Variants in NKAIN3 observed in about 807,000 individuals in gnomAD.
The protein encoded by NKAIN3 is sodium/potassium transporting ATPase interacting 3.
NKAIN3 carries 25 observed loss-of-function variants against 30.2 expected under a neutral mutation model. The ratio of observed to expected loss-of-function variants is 0.83; its 90% confidence interval spans 0.60 to 1.16. NKAIN3 has a LOEUF of 1.16. NKAIN3 is among the 50% of genes most tolerant of loss of function. The probability of loss-of-function intolerance (pLI) is 0.00; values close to 1 mark genes in which losing one functional copy is unlikely to be tolerated. For missense variants in NKAIN3, 225 were observed against 254.1 expected, an observed-to-expected ratio of 0.89 and a Z score of 0.78; for synonymous variants, 91 against 89.6, an observed-to-expected ratio of 1.02 and a Z score of -0.09.
intron 1 of NKAIN3, among the ~76,000 whole-genome samples, chr8:62,267,415 A>T (rs1038248308): frequency 2.0e-5 from 3 of 152,230 alleles, no homozygotes; most frequent in East Asian, 1.9e-4. Flanking sequence ...GCAGTTTCTT[A>T]TGTTTCCCTT....
intron 5 of NKAIN3, among the ~76,000 whole-genome samples, chr8:62,995,498 C>G (rs1269514783): frequency 6.6e-6 from 1 of 152,158 alleles, no homozygotes; most frequent in Non-Finnish European, 1.5e-5. Flanking sequence ...TGCTCTGTGT[C>G]TGTTGTGCTG....
chr8:62,859,527 TGG>T (rs1820177357), intron 4 of NKAIN3, among the ~76,000 whole-genome samples: 1 of 26,646 alleles, frequency 3.8e-5, no homozygotes, highest in Admixed American at 3.3e-4. Flanking sequence ...AAAAACTTCA[TGG>T]AAGTAGCCTA....
At chr8:62,675,344 AG>A (rs1813441580) in intron 3 of NKAIN3, among the ~76,000 whole-genome samples, 1 of 152,236 alleles carries the variant, frequency 6.6e-6, no homozygotes. Context: ...TCACTATGAT[AG>A]GTATTCACAA....
chr8:62,329,681 T>C (rs543193763), intron 1 of NKAIN3, among the ~76,000 whole-genome samples: 2 of 152,282 alleles, frequency 1.3e-5, no homozygotes, highest in South Asian at 4.1e-4. Flanking sequence ...TGTTCTTTTT[T>C]ATGGCTGCAT....
chr8:62,648,143 C>T (rs1232576577), intron 3 of NKAIN3, among the ~76,000 whole-genome samples: 1 of 152,046 alleles, frequency 6.6e-6, no homozygotes, highest in Non-Finnish European at 1.5e-5. Flanking sequence ...CAGATGGATA[C>T]GTTTTGGGCA....
intron 1 of NKAIN3, among the ~76,000 whole-genome samples, chr8:62,355,155 G>A (rs965155247): frequency 1.3e-5 from 2 of 152,178 alleles, no homozygotes; most frequent in Admixed American, 6.5e-5. Flanking sequence ...TGAGTCACTT[G>A]TAGAAGACCA....
At chr8:62,836,175 G>C (rs1010589163) in intron 4 of NKAIN3, among the ~76,000 whole-genome samples, 1 of 151,868 alleles carries the variant, frequency 6.6e-6, no homozygotes, top group Non-Finnish European at 1.5e-5. Context: ...AACACTAACG[G>C]AATACCAGAG....
At chr8:62,462,161 G>A (rs1368499394) in intron 1 of NKAIN3, among the ~76,000 whole-genome samples, 1 of 152,164 alleles carries the variant, frequency 6.6e-6, no homozygotes, top group African/African-American at 2.4e-5. Context: ...CATGGGCACA[G>A]GCGCAGATGG....
chr8:62,907,219 G>A (rs977330811), intron 4 of NKAIN3, among the ~76,000 whole-genome samples: 20 of 152,096 alleles, frequency 1.3e-4, no homozygotes, highest in South Asian at 2.1e-4. Flanking sequence ...GGTATCAGAC[G>A]GAAGAAATTT....
At chr8:62,864,251 G>A (rs1460327996) in intron 4 of NKAIN3, 4 of 892,090 alleles carry the variant, frequency 4.5e-6, no homozygotes, top group Non-Finnish European at 5.3e-6. Context: ...TAGAGGAGGC[G>A]GCCGAGGCAG....
At chr8:62,615,985 A>C (rs1811441908) in intron 3 of NKAIN3, among the ~76,000 whole-genome samples, 1 of 151,536 alleles carries the variant, frequency 6.6e-6, no homozygotes, top group African/African-American at 2.4e-5. Context: ...CTGTGTAGAT[A>C]GTTGTTAACT....
chr8:62,632,053 C>G (rs1811980486), intron 3 of NKAIN3, among the ~76,000 whole-genome samples: 1 of 152,100 alleles, frequency 6.6e-6, no homozygotes, highest in South Asian at 2.1e-4. Context: ...GTGGTACATT[C>G]AGAAACACTG....
At chr8:62,312,823 C>CAAAA (rs56252388) in intron 1 of NKAIN3, among the ~76,000 whole-genome samples, 2,442 of 142,386 alleles carry the variant, frequency 0.017, 49 homozygotes, top group South Asian at 0.041. Context: ...AACCTTGTCT[C>CAAAA]AAAAAAAAAA....
At chr8:62,394,419 T>C (rs913257784) in intron 1 of NKAIN3, among the ~76,000 whole-genome samples, 3 of 152,162 alleles carry the variant, frequency 2.0e-5, no homozygotes, top group Admixed American at 2.0e-4. Flanking sequence ...TGTGTATACA[T>C]GAGAAAAATT....
Position 62,500,353 on chromosome 8 carries a change from A to T in NKAIN3, c.55-79186A>T, listed in dbSNP as rs370868744. Among the ~76,000 whole-genome samples, 28 of 151,918 alleles carry T rather than the reference A, an allele frequency of 1.8e-4. 1 individual carries two copies. Among genetic ancestry groups the T allele is most frequent in the Middle Eastern group, 6.3e-3 (2 of 316 alleles). On this transcript the variant is annotated intron_variant, in intron 1 of 6. Coordinates refer to ENST00000623646, the MANE Select transcript of NKAIN3 (RefSeq NM_001304533.3). ...ATGTCTTCCATTACCAAGGAAAAAC[A>T]CTCAATGGGTTTAAGTACTAAGAAA...
At chr8:62,988,328 T>C (rs2168316), downstream of NKAIN3, among the ~76,000 whole-genome samples, 27,668 of 152,236 alleles carry the variant, frequency 0.18, 2,619 homozygotes, top group East Asian at 0.38. Context: ...AGTGGGCACC[T>C]TGTGTGAGGG....
At chr8:62,533,436 G>T (rs762770354) in intron 1 of NKAIN3, among the ~76,000 whole-genome samples, 1 of 152,190 alleles carries the variant, frequency 6.6e-6, no homozygotes, top group Non-Finnish European at 1.5e-5. Context: ...GTATAGTTTC[G>T]CCTGAAGCGG....
chr8:62,509,018 GAGA>G (rs1233454606), intron 1 of NKAIN3, among the ~76,000 whole-genome samples: 4 of 152,154 alleles, frequency 2.6e-5, no homozygotes, highest in Non-Finnish European at 4.4e-5. Context: ...TATCTTTAGT[GAGA>G]AGGTCACTTT....
rs114720353 is a variant in NKAIN3 at position 62,886,152 on chromosome 8, T to C, written c.472-32301T>C. Among the ~76,000 whole-genome samples, 997 of 152,252 alleles carry C rather than the reference T, an allele frequency of 6.5e-3. 11 individuals carry two copies. Among genetic ancestry groups the C allele is most frequent in the African/African-American group, 0.023 (952 of 41,556 alleles). Reference sequence around the variant, plus strand: ...TCCTTTCTTATCAGATCAATTATACTTTCTTTAACTTTTTTTTTTAGTGAT... The same window carrying C: ...TCCTTTCTTATCAGATCAATTATACCTTCTTTAACTTTTTTTTTTAGTGAT... On this transcript the variant is annotated intron_variant, in intron 4 of 6. Transcript: ENST00000623646.
Sources: gnomAD v4.1 joint callset for allele counts (sites outside exome capture counted in the v4.1 genomes callset) on GRCh38, gnomAD v4.1.1 for gene constraint, MANE v1.5 for transcripts, NCBI Gene and HGNC (gene_info 2026-07-23, HGNC 2026-07-21) for gene names.